Variants in CCSER1 observed in about 807,000 individuals in gnomAD.
CCSER1 encodes the protein coiled-coil serine rich protein 1.
In CCSER1, 41 loss-of-function variants were observed where a neutral mutation model predicts 82.0. The observed-to-expected ratio is 0.50, with a 90% CI of 0.39 to 0.65. The LOEUF (loss-of-function observed/expected upper bound fraction) is 0.65, where lower values mean the gene tolerates loss of function less well. Ranked by LOEUF, CCSER1 falls within the 30% of genes least tolerant of loss-of-function variation. The pLI is 0.00. For missense variants in CCSER1, 1,119 were observed against 1,064.2 expected (o/e 1.05, Z -0.72); for synonymous variants, 414 against 383.9 (o/e 1.08, Z -0.92).
intron 5 of CCSER1, among the ~76,000 whole-genome samples, chr4:90,489,102 A>C (rs1375918045): frequency 1.3e-5 from 2 of 152,170 alleles, no homozygotes; most frequent in Non-Finnish European, 2.9e-5. Context: ...CAGTTTTCCA[A>C]ATTCATGATT....
intron 5 of CCSER1, among the ~76,000 whole-genome samples, chr4:90,617,859 A>T (rs920803283): frequency 5.3e-5 from 8 of 152,084 alleles, no homozygotes; most frequent in Non-Finnish European, 1.5e-5. Flanking sequence ...TGTTCCTTGC[A>T]ACAGATGTTC....
chr4:90,826,143 T>C (rs1760408289), intron 8 of CCSER1, among the ~76,000 whole-genome samples: 1 of 152,142 alleles, frequency 6.6e-6, no homozygotes, highest in African/African-American at 2.4e-5. Flanking sequence ...AAAACTAGCT[T>C]GTTTGGGATT....
intron 10 of CCSER1, among the ~76,000 whole-genome samples, chr4:91,340,300 C>T (rs1268616390): frequency 1.3e-5 from 2 of 152,128 alleles, no homozygotes; most frequent in Non-Finnish European, 2.9e-5. Flanking sequence ...AGTGAAACTA[C>T]AGATAAGGAA....
intron 1 of CCSER1, among the ~76,000 whole-genome samples, chr4:90,224,251 G>T (rs1261821609): frequency 6.6e-6 from 1 of 152,118 alleles, no homozygotes; most frequent in Non-Finnish European, 1.5e-5. Flanking sequence ...TATGACAAGG[G>T]AATTTCTATA....
intron 4 of CCSER1, among the ~76,000 whole-genome samples, chr4:90,423,277 G>T (rs1266857265): frequency 6.6e-6 from 1 of 152,068 alleles, no homozygotes; most frequent in Admixed American, 6.5e-5. Flanking sequence ...CCAGGCTAGA[G>T]TGCAGTGGCG....
chr4:90,240,829 C>T (rs1035955322), intron 1 of CCSER1, among the ~76,000 whole-genome samples: 6 of 152,262 alleles, frequency 3.9e-5, no homozygotes, highest in Admixed American at 2.6e-4. Flanking sequence ...TTTTCAGTAG[C>T]TGATCTTAGG....
intron 3 of CCSER1, among the ~76,000 whole-genome samples, chr4:90,373,950 T>G (rs1747887075): frequency 6.6e-6 from 1 of 152,158 alleles, no homozygotes; most frequent in Non-Finnish European, 1.5e-5. Flanking sequence ...GCTAGGGCAC[T>G]GAATTGGCAA....
chr4:90,426,238 C>T (rs1280770856), intron 4 of CCSER1, among the ~76,000 whole-genome samples: 2 of 152,156 alleles, frequency 1.3e-5, no homozygotes, highest in Non-Finnish European at 2.9e-5. Context: ...AATGATCTCT[C>T]TTCATTTACA....
chr4:90,697,115 T>C (rs1446327850), intron 6 of CCSER1, among the ~76,000 whole-genome samples: 2 of 152,166 alleles, frequency 1.3e-5, no homozygotes, highest in Non-Finnish European at 2.9e-5. Context: ...TCTTCTTACC[T>C]CAGCCATATT....
chr4:90,797,541 T>C (rs1006848550), intron 7 of CCSER1, among the ~76,000 whole-genome samples: 11 of 152,218 alleles, frequency 7.2e-5, no homozygotes, highest in African/African-American at 2.7e-4. Flanking sequence ...TTTATTTTGC[T>C]ACTTGTTTAT....
At chr4:90,276,204 TTC>T (rs1204120713) in intron 1 of CCSER1, among the ~76,000 whole-genome samples, 8 of 50,048 alleles carry the variant, frequency 1.6e-4, no homozygotes, top group Admixed American at 7.1e-4. Flanking sequence ...CTTTCTTTCT[TTC>T]TTTCTTTCTT....
At chr4:91,416,743 T>C (rs1280731718) in intron 10 of CCSER1, among the ~76,000 whole-genome samples, 1 of 152,080 alleles carries the variant, frequency 6.6e-6, no homozygotes, top group African/African-American at 2.4e-5. Context: ...CCAAAAACTA[T>C]GAAAACCTTC....
chr4:90,424,335 T>C (rs1413958387), intron 4 of CCSER1, among the ~76,000 whole-genome samples: 2 of 152,170 alleles, frequency 1.3e-5, no homozygotes, highest in Non-Finnish European at 2.9e-5. Flanking sequence ...ATCTTGTCCA[T>C]ATAAAGAATT....
At chr4:90,932,962 G>GA (rs1431900677) in intron 9 of CCSER1, among the ~76,000 whole-genome samples, 1 of 34,816 alleles carries the variant, frequency 2.9e-5, no homozygotes, top group African/African-American at 1.9e-4. Context: ...AAGAAAGAAA[G>GA]AAAGAAAGAA....
At chr4:90,730,817 A>C (rs939984105) in intron 7 of CCSER1, among the ~76,000 whole-genome samples, 1 of 152,196 alleles carries the variant, frequency 6.6e-6, no homozygotes, top group Non-Finnish European at 1.5e-5. Flanking sequence ...TCTTATCAGG[A>C]ATGGCAAAAC....
At chr4:90,674,394 A>AT (rs539989009) in intron 6 of CCSER1, among the ~76,000 whole-genome samples, 111 of 151,992 alleles carry the variant, frequency 7.3e-4, no homozygotes, top group African/African-American at 2.6e-3. Context: ...CTCTAGCATG[A>AT]TGAAGGGACA....
chr4:90,655,147 A>G (rs1014344476), intron 6 of CCSER1, among the ~76,000 whole-genome samples: 1 of 151,962 alleles, frequency 6.6e-6, no homozygotes, highest in Non-Finnish European at 1.5e-5. Flanking sequence ...TAATTATAGG[A>G]ATTTTAGTTA....
chr4:90,787,525 A>G (rs989227248), intron 7 of CCSER1, among the ~76,000 whole-genome samples: 3 of 152,188 alleles, frequency 2.0e-5, no homozygotes, highest in African/African-American at 7.2e-5. Flanking sequence ...AGACATTACA[A>G]TGCTGGTTAT....
At chr4:90,470,435 A>G (rs1764205193) in intron 5 of CCSER1, among the ~76,000 whole-genome samples, 1 of 152,186 alleles carries the variant, frequency 6.6e-6, no homozygotes, top group African/African-American at 2.4e-5. Flanking sequence ...GATTAACTCA[A>G]AACTCTTGTT....
Sources: allele counts gnomAD v4.1 joint callset (sites outside exome capture counted in the v4.1 genomes callset), GRCh38; gene constraint gnomAD v4.1.1; transcripts MANE v1.5; gene names NCBI Gene and HGNC (gene_info 2026-07-23, HGNC 2026-07-21).